SARDH: variants seen among roughly 807,000 people sequenced by gnomAD.
SARDH encodes the protein sarcosine dehydrogenase, mitochondrial.
SARDH carries 95 observed loss-of-function variants against 109.1 expected under a neutral mutation model. The observed-to-expected ratio is 0.87, with a 90% confidence interval of 0.74 to 1.03. The LOEUF is 1.03. Among genes scored for constraint, SARDH ranks in the 50% least tolerant of loss-of-function variants. SARDH has a pLI of 0.00. For missense variants in SARDH, 1,267 were observed against 1,287.8 expected (o/e 0.98, Z 0.25); for synonymous variants, 572 against 534.8 (o/e 1.07, Z -0.96).
intron 10 of SARDH, among the ~76,000 whole-genome samples, chr9:133,708,871 G>T (rs528659321): frequency 6.6e-6 from 1 of 152,188 alleles, no homozygotes; most frequent in East Asian, 1.9e-4. Context: ...GTTTAGCCTG[G>T]TGATGCGTCA....
intron 19 of SARDH, among the ~76,000 whole-genome samples, chr9:133,668,326 T>TCTCCCTCACC (rs1378606082): frequency 3.4e-5 from 1 of 29,108 alleles, no homozygotes. Context: ...CCACCCTCCC[T>TCTCCCTCACC]CTCCCTCTCC....
At chr9:133,738,066 G>A (rs905868752) in intron 1 of SARDH, among the ~76,000 whole-genome samples, 188 bp downstream of exon 1, 7 of 152,202 alleles carry the variant, frequency 4.6e-5, no homozygotes, top group Admixed American at 4.6e-4. Context: ...AGGCAGACTT[G>A]TGGGGAGGAG....
At chr9:133,719,983 C>T (rs9409849) in intron 6 of SARDH, among the ~76,000 whole-genome samples, 41,586 of 151,768 alleles carry the variant, frequency 0.27, 5,915 homozygotes, top group East Asian at 0.33. Flanking sequence ...TGGTGGCGGG[C>T]GCCTGTAGTC....
intron 17 of SARDH, among the ~76,000 whole-genome samples, chr9:133,675,935 A>AT: frequency 6.6e-6 from 1 of 152,228 alleles, no homozygotes; most frequent in Non-Finnish European, 1.5e-5. Context: ...TACAAAAAAA[A>AT]TTTTAGAATT....
chr9:133,703,626 A>G (rs1465799342), intron 12 of SARDH: 2 of 142,648 alleles, frequency 1.4e-5, no homozygotes, highest in Admixed American at 6.9e-5. Context: ...CCACAGCCCC[A>G]TGCCCCTCCC....
chr9:133,722,651 CTCTCTCTCTCTCTCTCTCTCTCTCTCTT>C (rs1832365413), intron 6 of SARDH, among the ~76,000 whole-genome samples: 1 of 46,048 alleles, frequency 2.2e-5, no homozygotes, highest in Non-Finnish European at 5.9e-5. Flanking sequence ...CGCTCTCTCT[CTCTCTCTCTCTCTCTCTCTCTCTCTCTT>C]TCTCTCTTTC....
At chr9:133,734,253 G>T in intron 1 of SARDH, 50 bp from the exon 2 acceptor site, 1 of 1,285,402 alleles carries the variant, frequency 7.8e-7, no homozygotes, top group Non-Finnish European at 1.0e-6. Flanking sequence ...CACGCTGGGG[G>T]CTGTGCTGAG....
rs996853128 is a variant in SARDH at position 133,732,050 on chromosome 9, C to T, written c.510+373G>A. On this transcript the variant is annotated intron_variant, in intron 3 of 20. Coordinates refer to ENST00000439388, the MANE Select transcript of SARDH (RefSeq NM_001134707.2). ...CAATCAGATTCTCTGTCTGGGAATT[C>T]TGAATGAAGCCTGGCAAAGTCGCTT... is the stretch of plus-strand genomic sequence containing the variant. Among the ~76,000 whole-genome samples, 11 of 152,150 alleles carry T rather than the reference C, an allele frequency of 7.2e-5. 1 individual carries two copies. The highest frequency in any genetic ancestry group is 1.4e-4 in the African/African-American group (6 of 41,424).
chr9:133,718,154 C>T lies in SARDH; in HGVS notation c.1021-699G>A, dbSNP rs1158164640. Among the ~76,000 whole-genome samples, 1 of 152,190 alleles carries T rather than the reference C, an allele frequency of 6.6e-6. No individual in the cohort carries two copies. Among genetic ancestry groups the T allele is most frequent in the Non-Finnish European group, 1.5e-5 (1 of 68,040 alleles). ...TGGTGCGATCTCGGCTCACTGCCAC[C>T]TCCATCTCCCGGGTTCAAGTGATTC... On this transcript the variant is annotated intron_variant, in intron 7 of 20. Coordinates refer to ENST00000439388, the MANE Select transcript of SARDH (RefSeq NM_001134707.2). This position sits in a 1 kb window ranked among gnomAD's most constrained non-coding sequence, Gnocchi z 4.2.
upstream of SARDH, among the ~76,000 whole-genome samples, chr9:133,739,032 G>A (rs1832976611): frequency 6.6e-6 from 1 of 152,216 alleles, no homozygotes; most frequent in Non-Finnish European, 1.5e-5. Context: ...CACACAGCAA[G>A]CTGGTGGAGG....
rs777086433 is a variant in SARDH, at chr9:133,702,965, C to G, written c.1619G>C (p.Arg540Thr). ...SRAHEDYAYRRLLADEYTFAF... is the reference protein window; with the variant it reads ...SRAHEDYAYRTLLADEYTFAF... ...GAAGGTGTACTCGTCTGCCAGCAGC[C>G]TGCGGTAGGCGTAGTCCTCGTGCGC... Residue 540 changes from arginine (R) to threonine (T), a missense_variant, in exon 13 of 21, where the codon AGG (arginine) becomes ACG (threonine). Transcript: ENST00000439388. 9 of 1,613,320 alleles carry G rather than the reference C, an allele frequency of 5.6e-6. No homozygotes were observed. The highest frequency in any genetic ancestry group is 5.1e-6 in the Non-Finnish European group (6 of 1,180,006).
At chr9:133,685,463 G>C (rs1336139935) in intron 16 of SARDH, among the ~76,000 whole-genome samples, 177 bp from the exon 17 acceptor site, 1 of 152,204 alleles carries the variant, frequency 6.6e-6, no homozygotes, top group Non-Finnish European at 1.5e-5. Flanking sequence ...ATATACATAA[G>C]ACAGCCACCT....
In SARDH at chr9:133,692,490, A is replaced by G. The variant is rs1380123852; in HGVS notation, c.1921+1768T>C. ...CTGGTTCTCACCTCTACACCCTTGT[A>G]GCCAGTGGCTCCTCCCCATCCTTCC... On this transcript the variant is annotated intron_variant, in intron 15 of 20. Coordinates refer to ENST00000439388, the MANE Select transcript of SARDH (RefSeq NM_001134707.2). This position sits in a 1 kb window ranked among gnomAD's most constrained non-coding sequence, Gnocchi z 5.0. Among the ~76,000 whole-genome samples, 3 of 152,106 alleles carry G rather than the reference A, an allele frequency of 2.0e-5. No homozygotes were observed. Among genetic ancestry groups the G allele is most frequent in the African/African-American group, 7.2e-5 (3 of 41,408 alleles).
chr9:133,729,872 G>A lies in SARDH; in HGVS notation c.815-7C>T, dbSNP rs749737337. On this transcript the variant is annotated splice_region_variant and splice_polypyrimidine_tract_variant and intron_variant, in intron 5 of 20. Coordinates refer to ENST00000439388, the MANE Select transcript of SARDH (RefSeq NM_001134707.2). ...ACAGCACTTGCCCACACTCCTGCGG[G>A]CAGAGCACAGACAGCTCAGCTCTGC... The A allele has an allele frequency of 1.2e-6, 2 of 1,610,878 alleles. No individual in the cohort carries two copies. Among genetic ancestry groups the A allele is most frequent in the African/African-American group, 2.7e-5 (2 of 74,930 alleles).
At chr9:133,714,250 A>T (rs2131454151) in intron 8 of SARDH, among the ~76,000 whole-genome samples, 1 of 152,246 alleles carries the variant, frequency 6.6e-6, no homozygotes, top group Middle Eastern at 3.4e-3. Flanking sequence ...CCACGCTAGG[A>T]GCTGAGGGGG....
rs953420211 is a variant in SARDH, at chr9:133,728,377, C to T, written c.915+1388G>A. Among the ~76,000 whole-genome samples, 5 of 152,192 alleles carry T rather than the reference C, an allele frequency of 3.3e-5. No homozygotes were observed. The highest frequency in any genetic ancestry group is 1.2e-4 in the African/African-American group (5 of 41,444). On this transcript the variant is annotated intron_variant, in intron 6 of 20. Transcript: ENST00000439388. The surrounding 1 kb of genome is among the most constrained non-coding windows in gnomAD (Gnocchi z 5.0). ...GCCCCCAGGGACGAGGCTCCCAGCTCAGGGGCCCAGGCTTCCCTCTCACTG... is the reference window on the plus strand; with the variant it reads ...GCCCCCAGGGACGAGGCTCCCAGCTTAGGGGCCCAGGCTTCCCTCTCACTG...
In SARDH at chr9:133,693,203, C is replaced by A. The variant is rs1831164530; in HGVS notation, c.1921+1055G>T. 6.6e-6 allele frequency among the ~76,000 whole-genome samples: 1 copy of A among 152,176 alleles called. No individual in the cohort carries two copies. The highest frequency in any genetic ancestry group is 1.5e-5 in the Non-Finnish European group (1 of 68,028). On this transcript the variant is annotated intron_variant, in intron 15 of 20. Coordinates refer to ENST00000439388, the MANE Select transcript of SARDH (RefSeq NM_001134707.2). This position sits in a 1 kb window ranked among gnomAD's most constrained non-coding sequence, Gnocchi z 5.6. ...CAAACTCCACATGGGCCAGAACCTCCTGTGTTTGGCTCACTGTTGGGTCCT... is the reference window on the plus strand; with the variant it reads ...CAAACTCCACATGGGCCAGAACCTCATGTGTTTGGCTCACTGTTGGGTCCT...
intron 17 of SARDH, among the ~76,000 whole-genome samples, chr9:133,674,839 CA>C (rs1830462727): frequency 6.6e-6 from 1 of 152,084 alleles, no homozygotes; most frequent in Non-Finnish European, 1.5e-5. Context: ...GAGAGGACAC[CA>C]AAAGCACAGG....
At chr9:133,673,701 A>C (rs1417330528) in intron 17 of SARDH, among the ~76,000 whole-genome samples, 1 of 152,246 alleles carries the variant, frequency 6.6e-6, no homozygotes, top group Admixed American at 6.5e-5. Context: ...TAGGCCCCTG[A>C]CAAAGATTGC....
Sources: allele counts gnomAD v4.1 joint callset (sites outside exome capture counted in the v4.1 genomes callset), GRCh38; gene constraint gnomAD v4.1.1; non-coding constraint Gnocchi (gnomAD v3.1); transcripts MANE v1.5; gene names NCBI Gene and HGNC (gene_info 2026-07-23, HGNC 2026-07-21).